ELMO1: variants seen among roughly 807,000 people sequenced by gnomAD.
ELMO1 encodes engulfment and cell motility protein 1.
Under a neutral mutation model 98.9 loss-of-function variants are expected in ELMO1, and 26 were observed. The ratio of observed to expected loss-of-function variants is 0.26; its 90% CI spans 0.19 to 0.36. The LOEUF (loss-of-function observed/expected upper bound fraction) is 0.36, where lower values mean the gene tolerates loss of function less well. Ranked by LOEUF, ELMO1 falls within the 10% of genes least tolerant of loss-of-function variation. The pLI is 1.00. For synonymous variants in ELMO1, 346 were observed against 346.0 expected, an observed-to-expected ratio of 1.00 and a Z score of 0.00; for missense variants, 627 against 935.2, an observed-to-expected ratio of 0.67 and a Z score of 4.30.
chr7:37,345,439 C>T (rs1185998071), intron 1 of ELMO1, among the ~76,000 whole-genome samples: 2 of 152,050 alleles, frequency 1.3e-5, no homozygotes, highest in South Asian at 2.1e-4. Context: ...AGGCCAGGTG[C>T]GGTGGCTCAC....
Position 36,855,195 on chromosome 7 carries a change from G to A in ELMO1, c.*356C>T, listed in dbSNP as rs144640202. 75 of 319,514 alleles carry A rather than the reference G, an allele frequency of 2.3e-4. No homozygotes were observed. Among genetic ancestry groups the A allele is most frequent in the African/African-American group, 1.4e-3 (65 of 46,968 alleles). The allele number at this position is 319,514 out of a possible 1,614,324, so 19.8% of individuals were successfully genotyped here. A position where few individuals can be genotyped will look rare whatever the true frequency, so the allele number is the denominator to read the frequency against. On this transcript the variant is annotated 3_prime_UTR_variant, in exon 22 of 22. Transcript: ENST00000310758. The surrounding 1 kb of genome is among the most constrained non-coding windows in gnomAD (Gnocchi z 4.2). The stretch of plus-strand genomic sequence containing the variant: ...GGTCTGGTGGGCAAGTTTTTGGGCA[G>A]TCTGGGGCTGCTGGCTTTCCTGCCC...
intron 16 of ELMO1, among the ~76,000 whole-genome samples, chr7:36,902,415 T>C (rs954177556): frequency 6.6e-6 from 1 of 152,188 alleles, no homozygotes; most frequent in South Asian, 2.1e-4. Flanking sequence ...AGACCTAATT[T>C]AGAGCCAAAG....
chr7:37,171,784 G>A (rs1349930311), intron 13 of ELMO1, among the ~76,000 whole-genome samples: 1 of 151,966 alleles, frequency 6.6e-6, no homozygotes, highest in Non-Finnish European at 1.5e-5. Context: ...GAGCCACCAC[G>A]CCTGGCCGCC....
chr7:37,293,942 A>T (rs985776881), intron 4 of ELMO1, among the ~76,000 whole-genome samples: 42 of 152,066 alleles, frequency 2.8e-4, no homozygotes, highest in African/African-American at 9.4e-4. Flanking sequence ...TTTTGGTGTC[A>T]TTGAGTAAAT....
intron 1 of ELMO1, among the ~76,000 whole-genome samples, chr7:37,373,146 C>G (rs1178239134): frequency 6.6e-6 from 1 of 152,248 alleles, no homozygotes; most frequent in Non-Finnish European, 1.5e-5. Context: ...AGGTGTAACA[C>G]TGAAGACGGC....
At chr7:36,914,037 G>A (rs1469025511) in intron 16 of ELMO1, among the ~76,000 whole-genome samples, 2 of 152,220 alleles carry the variant, frequency 1.3e-5, no homozygotes, top group Non-Finnish European at 2.9e-5. Context: ...AGTTGCTGGG[G>A]CTTTGACTGA....
chr7:37,217,243 C>T (rs1793339647), intron 10 of ELMO1, among the ~76,000 whole-genome samples: 1 of 152,168 alleles, frequency 6.6e-6, no homozygotes, highest in African/African-American at 2.4e-5. Context: ...ACTCACTGAG[C>T]TCTGCAAGGC....
At chr7:37,120,880 G>T (rs1785975996) in intron 14 of ELMO1, among the ~76,000 whole-genome samples, 1 of 152,170 alleles carries the variant, frequency 6.6e-6, no homozygotes, top group African/African-American at 2.4e-5. Context: ...CCCCCCAGTA[G>T]GGGCAGACTG....
chr7:37,197,451 G>C (rs561432141), intron 13 of ELMO1, among the ~76,000 whole-genome samples: 1 of 152,162 alleles, frequency 6.6e-6, no homozygotes, highest in Non-Finnish European at 1.5e-5. Flanking sequence ...TCTGGACGTC[G>C]TGCTCACACC....
intron 19 of ELMO1, among the ~76,000 whole-genome samples, chr7:36,874,757 G>A (rs1230913849): frequency 6.6e-6 from 1 of 152,208 alleles, no homozygotes; most frequent in Non-Finnish European, 1.5e-5. Flanking sequence ...GGGCATGGCT[G>A]GAAAGCAGTG....
intron 16 of ELMO1, among the ~76,000 whole-genome samples, chr7:36,999,674 A>G (rs1792496148): frequency 6.6e-6 from 1 of 152,214 alleles, no homozygotes; most frequent in South Asian, 2.1e-4. Flanking sequence ...TGATTCCACG[A>G]ATGTACAATA....
At chr7:36,986,741 A>C (rs887896294) in intron 16 of ELMO1, among the ~76,000 whole-genome samples, 1 of 151,990 alleles carries the variant, frequency 6.6e-6, no homozygotes, top group Non-Finnish European at 1.5e-5. Flanking sequence ...ATGTCATAGA[A>C]CCACCTCGCG....
intron 14 of ELMO1, among the ~76,000 whole-genome samples, chr7:37,111,316 A>G (rs1374148884): frequency 9.9e-5 from 15 of 152,192 alleles, no homozygotes; most frequent in Admixed American, 9.8e-4. Flanking sequence ...TGCTAAGAAG[A>G]GCAAATGGGA....
chr7:37,283,704 C>T lies in ELMO1; in HGVS notation c.193-11822G>A, dbSNP rs1391603362. Reference sequence around the variant, plus strand: ...CATGGGGAAGGCCTCAAGCCTCCTGCGTCCGGCCTCTGCTCTCCCTACCAG... The same window carrying T: ...CATGGGGAAGGCCTCAAGCCTCCTGTGTCCGGCCTCTGCTCTCCCTACCAG... On this transcript the variant is annotated intron_variant, in intron 4 of 21. Coordinates refer to ENST00000310758, the MANE Select transcript of ELMO1 (RefSeq NM_014800.11). Among the ~76,000 whole-genome samples, 7 of 152,220 alleles carry T rather than the reference C, an allele frequency of 4.6e-5. No homozygotes were observed. The East Asian group carries it at 5.8e-4, about 13-fold the overall frequency.
At chr7:36,902,866 C>G (rs1258231606) in intron 16 of ELMO1, among the ~76,000 whole-genome samples, 2 of 152,210 alleles carry the variant, frequency 1.3e-5, no homozygotes, top group Non-Finnish European at 2.9e-5. Context: ...CCTTCTACTT[C>G]ATGTCATTCT....
chr7:37,265,189 C>T (rs1008690525), intron 5 of ELMO1, among the ~76,000 whole-genome samples: 1 of 152,162 alleles, frequency 6.6e-6, no homozygotes, highest in African/African-American at 2.4e-5. Context: ...TACCCTCAAG[C>T]TCTGCTTCCT....
intron 14 of ELMO1, among the ~76,000 whole-genome samples, chr7:37,105,699 T>C (rs2129270936): frequency 6.6e-6 from 1 of 152,202 alleles, no homozygotes; most frequent in East Asian, 1.9e-4. Flanking sequence ...ATTTCCATCA[T>C]TAGCAAACCT....
chr7:37,261,021 G>A (rs899351825), intron 5 of ELMO1, among the ~76,000 whole-genome samples: 1 of 152,146 alleles, frequency 6.6e-6, no homozygotes, highest in Non-Finnish European at 1.5e-5. Flanking sequence ...CAAGAAGGAT[G>A]TTTGCATTTA....
At chr7:37,176,661 CCCT>C (rs1247745024) in intron 13 of ELMO1, among the ~76,000 whole-genome samples, 1 of 152,160 alleles carries the variant, frequency 6.6e-6, no homozygotes, top group Non-Finnish European at 1.5e-5. Context: ...ATAATCTTTT[CCCT>C]CCTATTACAA....
Sources: allele counts gnomAD v4.1 joint callset (sites outside exome capture counted in the v4.1 genomes callset), GRCh38; gene constraint gnomAD v4.1.1; non-coding constraint Gnocchi (gnomAD v3.1); transcripts MANE v1.5; gene names NCBI Gene and HGNC (gene_info 2026-07-23, HGNC 2026-07-21).